The following NEK7 variants were observed in gnomAD, a reference collection of about 807,000 sequenced individuals.
The protein encoded by NEK7 is NIMA related kinase 7.
A neutral mutation model predicts 44.6 loss-of-function variants in NEK7; 18 were observed. The observed-to-expected ratio is 0.40, with a 90% CI of 0.28 to 0.60. The LOEUF is 0.60. Ranked by LOEUF, NEK7 falls within the 20% of genes least tolerant of loss-of-function variation. The pLI is 0.38. For missense variants in NEK7, 256 were observed against 366.5 expected, an observed-to-expected ratio of 0.70 and a Z score of 2.46; for synonymous variants, 130 against 121.1, an observed-to-expected ratio of 1.07 and a Z score of -0.48.
chr1:198,251,156 G>A (rs1193776901), intron 2 of NEK7, among the ~76,000 whole-genome samples: 1 of 151,882 alleles, frequency 6.6e-6, no homozygotes, highest in Non-Finnish European at 1.5e-5. Context: ...TTTTGTCTTT[G>A]GTTCTGTTTA....
At chr1:198,254,928 T>A (rs941967503) in intron 3 of NEK7, among the ~76,000 whole-genome samples, 7 of 152,174 alleles carry the variant, frequency 4.6e-5, no homozygotes, top group Admixed American at 2.6e-4. Context: ...GATTCATTTT[T>A]AAAATGGATT....
rs1343168002 is a variant in NEK7 at position 198,242,107 on chromosome 1, T to C, written c.57+9470T>C. The stretch of plus-strand genomic sequence containing the variant: ...TCCCTCACTCCTCATATTCAATTAA[T>C]TGGCAAGTTTTTGACTCCATCTCAA... On this transcript the variant is annotated intron_variant, in intron 2 of 9. Transcript: ENST00000367385. Among the ~76,000 whole-genome samples, 3 of 152,140 alleles carry C rather than the reference T, an allele frequency of 2.0e-5. No homozygotes were observed. The East Asian group carries it at 5.8e-4, about 29-fold the overall frequency.
At chr1:198,317,780 T>C (rs1378101589) in intron 9 of NEK7, among the ~76,000 whole-genome samples, 1 of 151,976 alleles carries the variant, frequency 6.6e-6, no homozygotes, top group Non-Finnish European at 1.5e-5. Flanking sequence ...ATCTGACAGC[T>C]AGATGACCCA....
chr1:198,298,630 T>G (rs535494784), intron 9 of NEK7, among the ~76,000 whole-genome samples: 1 of 152,286 alleles, frequency 6.6e-6, no homozygotes, highest in South Asian at 2.1e-4. Context: ...TACAGTGGGG[T>G]GTGAACAATA....
At chr1:198,174,104 G>A (rs1421085655) in intron 1 of NEK7, among the ~76,000 whole-genome samples, 1 of 152,042 alleles carries the variant, frequency 6.6e-6, no homozygotes, top group Non-Finnish European at 1.5e-5. Context: ...CAGCTGCCTA[G>A]GTTAACTTTG....
chr1:198,267,482 C>T (rs770314265), intron 5 of NEK7, among the ~76,000 whole-genome samples: 27 of 152,092 alleles, frequency 1.8e-4, no homozygotes, highest in Admixed American at 1.5e-3. Context: ...CTCACTCTGT[C>T]GCCCAGGGTG....
chr1:198,178,233 A>G (rs568462476), intron 1 of NEK7, among the ~76,000 whole-genome samples: 1 of 152,256 alleles, frequency 6.6e-6, no homozygotes, highest in South Asian at 2.1e-4. Flanking sequence ...ACAACTTTAT[A>G]AATCGACTCA....
chr1:198,256,554 C>A, intron 3 of NEK7: 1 of 1,456,770 alleles, frequency 6.9e-7, no homozygotes, highest in East Asian at 2.5e-5. Flanking sequence ...TTCTTTCTCT[C>A]TTGCCTCCTT....
chr1:198,206,414 C>T (rs1309135255), intron 1 of NEK7, among the ~76,000 whole-genome samples: 1 of 152,030 alleles, frequency 6.6e-6, no homozygotes, highest in Admixed American at 6.6e-5. Flanking sequence ...GAACTGTTAA[C>T]GTATCAATAT....
intron 1 of NEK7, among the ~76,000 whole-genome samples, chr1:198,184,113 A>G (rs1039637731): frequency 5.9e-5 from 9 of 152,176 alleles, no homozygotes; most frequent in African/African-American, 2.2e-4. Context: ...AGAATTTTTG[A>G]AGAATGTTTT....
chr1:198,157,825 G>A (rs1663961375), intron 1 of NEK7, among the ~76,000 whole-genome samples: 1 of 152,216 alleles, frequency 6.6e-6, no homozygotes, highest in Non-Finnish European at 1.5e-5. Context: ...GTCGGAGAAT[G>A]AACTTGGGAG....
intron 9 of NEK7, among the ~76,000 whole-genome samples, chr1:198,300,299 G>A (rs1235656340): frequency 2.0e-5 from 3 of 152,140 alleles, no homozygotes; most frequent in Non-Finnish European, 2.9e-5. Context: ...AAGGCCCGTC[G>A]TAAACTGACC....
chr1:198,268,154 T>TG (rs1421138717), intron 5 of NEK7, among the ~76,000 whole-genome samples: 1 of 151,972 alleles, frequency 6.6e-6, no homozygotes, highest in Non-Finnish European at 1.5e-5. Context: ...ACTTTTTTTT[T>TG]TTAATGTTCT....
chr1:198,204,209 G>C (rs1412232104), intron 1 of NEK7, among the ~76,000 whole-genome samples: 1 of 151,982 alleles, frequency 6.6e-6, no homozygotes, highest in Admixed American at 6.6e-5. Flanking sequence ...GCAGTGAGCC[G>C]TGATTGCACC....
At chr1:198,270,370 A>G (rs1230055899) in intron 5 of NEK7, among the ~76,000 whole-genome samples, 1 of 152,064 alleles carries the variant, frequency 6.6e-6, no homozygotes, top group Non-Finnish European at 1.5e-5. Flanking sequence ...GCAATAAAAC[A>G]AAATGTAACC....
chr1:198,194,514 G>A (rs1376918567), intron 1 of NEK7, among the ~76,000 whole-genome samples: 1 of 151,798 alleles, frequency 6.6e-6, no homozygotes, highest in Non-Finnish European at 1.5e-5. Context: ...TTCCCTCTAT[G>A]TGTCCATGTG....
rs1655493021 is a variant in NEK7, at chr1:198,320,158, T to C, written c.*636T>C. The C allele has an allele frequency of 6.6e-6, 1 of 152,132 alleles. No individual in the cohort carries two copies. Among genetic ancestry groups the C allele is most frequent in the Non-Finnish European group, 1.5e-5 (1 of 67,992 alleles). 9.4% of individuals were successfully genotyped at this position (152,132 alleles called of 1,614,324 possible). A position where few individuals can be genotyped will look rare whatever the true frequency, so the allele number is the denominator to read the frequency against. On this transcript the variant is annotated 3_prime_UTR_variant, in exon 10 of 10. Transcript: ENST00000367385. The stretch of plus-strand genomic sequence containing the variant: ...AATGTGAGTCAGACACTGAAGAGTT[T>C]TTTGTTTTGTTTTAATATTTTTGAT...
chr1:198,160,180 A>G (rs1042610199), intron 1 of NEK7, among the ~76,000 whole-genome samples: 8 of 152,218 alleles, frequency 5.3e-5, no homozygotes, highest in Non-Finnish European at 1.2e-4. Context: ...TAGTATTACA[A>G]ATGTCGCCAC....
At chr1:198,252,567 T>TATATATATA (rs1307124157) in intron 2 of NEK7, among the ~76,000 whole-genome samples, 2 of 50,974 alleles carry the variant, frequency 3.9e-5, no homozygotes, top group African/African-American at 2.7e-4. Flanking sequence ...TATATATATA[T>TATATATATA]AAAAAGTACA....
Sources: allele counts gnomAD v4.1 joint callset (sites outside exome capture counted in the v4.1 genomes callset), GRCh38; gene constraint gnomAD v4.1.1; transcripts MANE v1.5; gene names NCBI Gene and HGNC (gene_info 2026-07-23, HGNC 2026-07-21).